The following NTRK3 variants were observed in gnomAD, a reference collection of about 807,000 sequenced individuals.
The protein encoded by NTRK3 is neurotrophic receptor tyrosine kinase 3.
NTRK3 carries 24 observed loss-of-function variants against 91.7 expected under a neutral mutation model. The observed-to-expected ratio is 0.26, with a 90% CI of 0.19 to 0.37. The LOEUF is 0.37. NTRK3 is among the 10% of genes least tolerant of loss of function. The probability of loss-of-function intolerance (pLI) is 1.00; values close to 1 mark genes in which losing one functional copy is unlikely to be tolerated. For synonymous variants in NTRK3, 483 were observed against 404.0 expected, an observed-to-expected ratio of 1.20 and a Z score of -2.34; for missense variants, 880 against 1,068.9, an observed-to-expected ratio of 0.82 and a Z score of 2.46.
intron 13 of NTRK3, among the ~76,000 whole-genome samples, chr15:88,078,077 C>G (rs532013001): frequency 6.6e-6 from 1 of 152,232 alleles, no homozygotes; most frequent in Non-Finnish European, 1.5e-5. Context: ...GAATAGAGGA[C>G]AAACACATTC....
intron 9 of NTRK3, 21 bp downstream of exon 9, chr15:88,135,878 C>T (rs2151201050): frequency 6.2e-7 from 1 of 1,613,784 alleles, no homozygotes; most frequent in South Asian, 1.1e-5. Flanking sequence ...ACAGCCATCC[C>T]CCACAATAAC....
Position 88,234,242 on chromosome 15 carries a change from T to C in NTRK3, c.248+21664A>G, listed in dbSNP as rs1239379972. On this transcript the variant is annotated intron_variant, in intron 3 of 18. Coordinates refer to ENST00000394480, the Ensembl canonical transcript of NTRK3. This position sits in a 1 kb window ranked among gnomAD's most constrained non-coding sequence, Gnocchi z 6.1. ...GCCCCCCGCTCGACCTTCAAAAAGC[T>C]CCCATAGCCTACACATCTCCAGACT... Among the ~76,000 whole-genome samples, 1 of 152,080 alleles carries C rather than the reference T, an allele frequency of 6.6e-6. No individual in the cohort carries two copies. Among genetic ancestry groups the C allele is most frequent in the Non-Finnish European group, 1.5e-5 (1 of 68,018 alleles).
chr15:87,862,285 A>G (rs761312819), exon 19 of NTRK3: 2 of 224,222 alleles, frequency 8.9e-6, no homozygotes, highest in Non-Finnish European at 1.8e-5. Context: ...CGTTCCACTG[A>G]ACTTGCTCCT....
At chr15:87,978,494 G>C (rs2073916072) in intron 14 of NTRK3, 1 of 228,836 alleles carries the variant, frequency 4.4e-6, no homozygotes, top group Non-Finnish European at 8.7e-6. Flanking sequence ...AAGGGCCTTT[G>C]TCCCTGATTC....
At chr15:87,936,059 G>C (rs1168855481) in intron 15 of NTRK3, among the ~76,000 whole-genome samples, 1 of 152,192 alleles carries the variant, frequency 6.6e-6, no homozygotes, top group Non-Finnish European at 1.5e-5. Flanking sequence ...TAATGAGGAG[G>C]AAAATAGGGC....
At chr15:87,947,866 A>G (rs990691903) in intron 14 of NTRK3, among the ~76,000 whole-genome samples, 4 of 152,184 alleles carry the variant, frequency 2.6e-5, no homozygotes, top group African/African-American at 9.7e-5. Context: ...ATGGAAAAGA[A>G]TAACATTCTG....
chr15:88,105,446 G>A (rs141179715), intron 13 of NTRK3, among the ~76,000 whole-genome samples: 121 of 152,286 alleles, frequency 7.9e-4, no homozygotes, highest in African/African-American at 2.9e-3. Flanking sequence ...GTAATGAGAA[G>A]AGAGGATCAG....
At chr15:88,226,624 G>A (rs1215480247) in intron 3 of NTRK3, among the ~76,000 whole-genome samples, 4 of 152,218 alleles carry the variant, frequency 2.6e-5, no homozygotes, top group Non-Finnish European at 5.9e-5. Flanking sequence ...GACATACCAG[G>A]GGGAGCACTG....
rs758489746 is a variant in NTRK3, at chr15:87,861,233, A to AG, written c.*15701dup. On this transcript the variant is annotated 3_prime_UTR_variant, in exon 19 of 19. Coordinates refer to ENST00000394480, the Ensembl canonical transcript of NTRK3. ...ATATACTTAGTACAGAAGCTTAGGG[A>AG]GGGGGGATGGAAATCAGTTACAACA... 236 of 218,702 alleles carry AG rather than the reference A, an allele frequency of 1.1e-3. 1 individual carries two copies. Among genetic ancestry groups the AG allele is most frequent in the Non-Finnish European group, 1.7e-3 (189 of 108,922 alleles). The allele number at this position is 218,702 out of a possible 1,614,324, so 13.5% of individuals were successfully genotyped here.
intron 13 of NTRK3, among the ~76,000 whole-genome samples, chr15:88,057,430 G>A (rs2045817319): frequency 6.6e-6 from 1 of 151,764 alleles, no homozygotes; most frequent in African/African-American, 2.4e-5. Context: ...TCTGGGAGGT[G>A]GAGGTTGCAG....
chr15:88,068,890 G>C (rs1218621699), intron 13 of NTRK3, among the ~76,000 whole-genome samples: 1 of 152,140 alleles, frequency 6.6e-6, no homozygotes, highest in Non-Finnish European at 1.5e-5. Context: ...TATCAGAGGA[G>C]ACCAAGAGAT....
intron 13 of NTRK3, among the ~76,000 whole-genome samples, chr15:88,062,879 C>T (rs1253581887): frequency 1.3e-5 from 2 of 152,216 alleles, no homozygotes; most frequent in African/African-American, 4.8e-5. Context: ...TATCAGCTTC[C>T]CCTGTGCCAA....
intron 12 of NTRK3, among the ~76,000 whole-genome samples, chr15:88,126,919 C>T (rs953074037): frequency 1.3e-5 from 2 of 152,186 alleles, no homozygotes; most frequent in South Asian, 4.1e-4. Flanking sequence ...CCCAGCTGGG[C>T]TCCTAACAGA....
intron 14 of NTRK3, among the ~76,000 whole-genome samples, chr15:87,992,042 G>A (rs1232918393): frequency 6.6e-6 from 1 of 150,772 alleles, no homozygotes; most frequent in Non-Finnish European, 1.5e-5. Flanking sequence ...CACTGTTTGG[G>A]GGCTTCTTAA....
intron 3 of NTRK3, among the ~76,000 whole-genome samples, chr15:88,203,889 G>C (rs192438596): frequency 1.3e-5 from 2 of 152,032 alleles, no homozygotes; most frequent in Admixed American, 6.6e-5. Flanking sequence ...GTTACTTTAA[G>C]TTCAGGGATA....
intron 13 of NTRK3, among the ~76,000 whole-genome samples, chr15:88,122,817 A>G (rs2052870550): frequency 6.6e-6 from 1 of 152,202 alleles, no homozygotes; most frequent in African/African-American, 2.4e-5. Flanking sequence ...TAACTAGCCC[A>G]TTGTTAATTT....
intron 13 of NTRK3, among the ~76,000 whole-genome samples, chr15:88,077,606 G>A (rs1352533156): frequency 6.6e-6 from 1 of 152,110 alleles, no homozygotes; most frequent in African/African-American, 2.4e-5. Flanking sequence ...CAAGGCCTCA[G>A]GCAGGGGAAC....
chr15:88,128,590 A>T, intron 11 of NTRK3, 121 bp downstream of exon 11: 2 of 1,030,716 alleles, frequency 1.9e-6, no homozygotes, highest in African/African-American at 1.6e-5. Context: ...GTTCACTCAG[A>T]TGCCCTCAGC....
intron 13 of NTRK3, among the ~76,000 whole-genome samples, chr15:88,109,288 C>CA (rs1191103247): frequency 4.6e-5 from 7 of 152,174 alleles, no homozygotes; most frequent in Non-Finnish European, 8.8e-5. Context: ...GGCGTTCAGT[C>CA]ACCTCACCAA....
Sources: gnomAD v4.1 joint callset for allele counts (sites outside exome capture counted in the v4.1 genomes callset) on GRCh38, gnomAD v4.1.1 for gene constraint, Gnocchi (gnomAD v3.1) non-coding constraint, MANE v1.5 for transcripts, NCBI Gene and HGNC (gene_info 2026-07-23, HGNC 2026-07-21) for gene names.